USP39: variants seen among roughly 807,000 people sequenced by gnomAD.
The protein encoded by USP39 is ubiquitin carboxyl-terminal hydrolase 39.
A neutral mutation model predicts 66.4 loss-of-function variants in USP39; 38 were observed. The ratio of observed to expected loss-of-function variants is 0.57; its 90% CI spans 0.44 to 0.75. USP39 has a LOEUF of 0.75. Among genes scored for constraint, USP39 ranks in the 30% least tolerant of loss-of-function variants. USP39 has a pLI of 0.00. For synonymous variants in USP39, 303 were observed against 274.6 expected (o/e 1.10, Z -1.02); for missense variants, 608 against 714.4 (o/e 0.85, Z 1.70).
chr2:85,603,585 TTTTC>T (rs938397968), intron 1 of USP39, among the ~76,000 whole-genome samples: 3 of 151,698 alleles, frequency 2.0e-5, no homozygotes, highest in African/African-American at 4.8e-5. Context: ...TTTTTTTACT[TTTTC>T]TTTTTCTTTT....
At chr2:85,603,582 A>AATTTTT (rs1558834470) in intron 1 of USP39, among the ~76,000 whole-genome samples, 1 of 149,754 alleles carries the variant, frequency 6.7e-6, no homozygotes, top group African/African-American at 2.5e-5. Context: ...TTTTTTTTTT[A>AATTTTT]CTTTTTCTTT....
chr2:85,643,137 C>T (rs371728152), intron 10 of USP39, among the ~76,000 whole-genome samples: 1 of 151,208 alleles, frequency 6.6e-6, no homozygotes, highest in Admixed American at 6.6e-5. Flanking sequence ...AATGATTAAA[C>T]GTAGTATTTC....
At chr2:85,611,457 T>C (rs529995097), upstream of USP39, 4 of 1,544,636 alleles carry the variant, frequency 2.6e-6, no homozygotes, top group African/African-American at 4.1e-5. Flanking sequence ...CCCGATACTC[T>C]GACAGCGATG....
Position 85,648,923 on chromosome 2 carries a change from G to T in USP39, c.*115G>T. ...TGGGCTTCCTAGGCCAGCCCAGCTT[G>T]TATGGGTTCTGGCTACACCAGAGCA... is the stretch of plus-strand genomic sequence containing the variant. On this transcript the variant is annotated 3_prime_UTR_variant, in exon 13 of 13. Transcript: ENST00000323701. 2.4e-6 allele frequency: 3 copies of T among 1,258,734 alleles called. No homozygotes were observed. The highest frequency in any genetic ancestry group is 2.3e-5 in the East Asian group (1 of 43,142). The allele number at this position is 1,258,734 out of a possible 1,614,324, so 78.0% of individuals were successfully genotyped here.
At chr2:85,626,018 G>GA (rs527478382) in intron 5 of USP39, among the ~76,000 whole-genome samples, 118 of 141,926 alleles carry the variant, frequency 8.3e-4, no homozygotes, top group Middle Eastern at 3.9e-3. Flanking sequence ...TCTGTTTCAA[G>GA]AAAAAAAAAA....
upstream of USP39, chr2:85,612,424 C>A: frequency 6.9e-7 from 1 of 1,456,898 alleles, no homozygotes; most frequent in African/African-American, 1.4e-5. Context: ...AACGCTGCCA[C>A]TTCTCAGTTT....
At chr2:85,633,024 G>A (rs1019211907) in intron 6 of USP39, among the ~76,000 whole-genome samples, 1 of 152,138 alleles carries the variant, frequency 6.6e-6, no homozygotes, top group Non-Finnish European at 1.5e-5. Context: ...TCAGTGGAGA[G>A]CCAAGGTGTA....
intron 6 of USP39, among the ~76,000 whole-genome samples, chr2:85,631,968 C>T (rs1008236161): frequency 8.5e-5 from 13 of 152,170 alleles, no homozygotes; most frequent in African/African-American, 2.9e-4. Flanking sequence ...AGGTGAACTC[C>T]TGACCTCAAG....
Position 85,644,283 on chromosome 2 carries a change from CT to C in USP39, c.1428-656del, listed in dbSNP as rs199880993. 5.6e-4 allele frequency among the ~76,000 whole-genome samples: 85 copies of C among 151,190 alleles called. 2 individuals are homozygous for C. The South Asian group carries it at 0.011, about 20-fold the overall frequency. ...TCAGACAACTTTTATGATGCAATGT[CT>C]TTTTTTTTATTTTACCTTGTATTGT... On this transcript the variant is annotated intron_variant, in intron 10 of 12. Coordinates refer to ENST00000323701, the MANE Select transcript of USP39 (RefSeq NM_006590.4).
chr2:85,606,243 G>T (rs1673209477), intron 1 of USP39, among the ~76,000 whole-genome samples: 1 of 152,192 alleles, frequency 6.6e-6, no homozygotes, highest in Non-Finnish European at 1.5e-5. Flanking sequence ...CAGCCTGCTG[G>T]GATGTTCCAC....
rs1206444418 is a variant in USP39, at chr2:85,641,055, A to G, written c.1364A>G (p.Lys455Arg). 2.5e-6 allele frequency: 4 copies of G among 1,613,812 alleles called. No homozygotes were observed. The highest frequency in any genetic ancestry group is 1.3e-5 in the African/African-American group (1 of 74,928). The change falls in exon 10 of 13, where the codon AAG (lysine) becomes AGG (arginine). Residue 455 changes from lysine to arginine, a missense_variant. Lys to Arg is a conservative substitution (Grantham distance 26). Transcript: ENST00000323701. The stretch of plus-strand genomic sequence containing the variant: ...CCTCCATATCTAATCTTTTGTATCA[A>G]GAGATTCACTAAGAACAACTTCTTT... ...KLPPYLIFCIKRFTKNNFFVE... is the reference protein window; with the variant it reads ...KLPPYLIFCIRRFTKNNFFVE...
chr2:85,615,954 T>C, upstream of USP39: 1 of 734,946 alleles, frequency 1.4e-6, no homozygotes. Flanking sequence ...CAGAAAACTG[T>C]CGCCAGTAAA....
chr2:85,618,561 C>CAAA (rs759260772), intron 1 of USP39, among the ~76,000 whole-genome samples: 2 of 57,204 alleles, frequency 3.5e-5, no homozygotes, highest in Non-Finnish European at 7.3e-5. Context: ...GACTCCGTCT[C>CAAA]AAAAAAAAAA....
At chr2:85,648,460 T>C (rs1676813423) in intron 12 of USP39, among the ~76,000 whole-genome samples, 1 of 152,158 alleles carries the variant, frequency 6.6e-6, no homozygotes, top group South Asian at 2.1e-4. Flanking sequence ...TCCATTGGAT[T>C]GACCCATGGA....
At chr2:85,608,266 T>C (rs1673290245), upstream of USP39, 1 of 152,134 alleles carries the variant, frequency 6.6e-6, no homozygotes, top group Non-Finnish European at 1.5e-5. Flanking sequence ...GAAAAAGCCA[T>C]GGAAAGGGAG....
chr2:85,608,534 A>C (rs11540408), upstream of USP39: 1 of 158,132 alleles, frequency 6.3e-6, no homozygotes, highest in Non-Finnish European at 1.4e-5. Flanking sequence ...AATGAGCAAA[A>C]GCACAGAAGA....
chr2:85,645,145 T>C, intron 11 of USP39, 62 bp downstream of exon 11: 1 of 1,607,062 alleles, frequency 6.2e-7, no homozygotes, highest in Non-Finnish European at 8.5e-7. Context: ...CTTTGGCATC[T>C]CAGAGGGCAG....
At chr2:85,637,249 A>C in intron 7 of USP39, 120 bp from the exon 8 acceptor site, 2 of 994,132 alleles carry the variant, frequency 2.0e-6, no homozygotes, top group Non-Finnish European at 3.1e-6. Context: ...GTGTTTAGTG[A>C]GAGCTCTGTG....
intron 3 of USP39, among the ~76,000 whole-genome samples, chr2:85,623,034 A>G (rs534647141): frequency 3.9e-5 from 6 of 152,334 alleles, no homozygotes; most frequent in Middle Eastern, 3.4e-3. Context: ...TTGAATGTGC[A>G]AAAATCAATG....
Sources: gnomAD v4.1 joint callset for allele counts (sites outside exome capture counted in the v4.1 genomes callset) on GRCh38, gnomAD v4.1.1 for gene constraint, MANE v1.5 for transcripts, NCBI Gene and HGNC (gene_info 2026-07-23, HGNC 2026-07-21) for gene names.